The following CORO1A variants were observed in gnomAD, a reference collection of about 807,000 sequenced individuals.
CORO1A encodes coronin-1A.
A neutral mutation model predicts 44.1 loss-of-function variants in CORO1A; 17 were observed. The observed-to-expected ratio is 0.39, with a 90% CI of 0.26 to 0.58. CORO1A has a LOEUF of 0.58. Ranked by LOEUF, CORO1A falls within the 20% of genes least tolerant of loss-of-function variation. CORO1A has a pLI of 0.62. For synonymous variants in CORO1A, 271 were observed against 244.2 expected (o/e 1.11, Z -1.02); for missense variants, 415 against 606.5 (o/e 0.68, Z 3.32).
intron 5 of CORO1A, 30 bp from the exon 6 acceptor site, chr16:30,187,352 G>A (rs1184776751): frequency 6.2e-7 from 1 of 1,608,700 alleles, no homozygotes; most frequent in South Asian, 1.1e-5. Context: ...ATGTACGGGT[G>A]CCTGACCTAC....
chr16:30,187,933 C>A lies in CORO1A; in HGVS notation c.862-9C>A. ...GTATTGACCCTCCCTCCACACCTGC[C>A]ACCTACAGGGTGACAGCTCAATCCG... On this transcript the variant is annotated splice_polypyrimidine_tract_variant and intron_variant, in intron 7 of 10. Transcript: ENST00000219150. 6.2e-7 allele frequency: 1 copy of A among 1,613,950 alleles called. No individual in the cohort carries two copies. Among genetic ancestry groups the A allele is most frequent in the South Asian group, 1.1e-5 (1 of 91,062 alleles).
intron 10 of CORO1A, 35 bp downstream of exon 10, chr16:30,188,611 G>GA: frequency 8.9e-7 from 1 of 1,120,108 alleles, no homozygotes; most frequent in Admixed American, 2.0e-5. Flanking sequence ...ATAAAACTGG[G>GA]AGGGTGGGGT....
At chr16:30,187,678 A>G in intron 6 of CORO1A, 47 bp from the exon 7 acceptor site, 7 of 1,498,180 alleles carry the variant, frequency 4.7e-6, no homozygotes, top group South Asian at 1.1e-5. Context: ...CCCAGGGAAG[A>G]CCACCATCCC....
Position 30,184,991 on chromosome 16 carries a change from TG to T in CORO1A, c.-1-216del, listed in dbSNP as rs2073317546. ...TACAGATTGAGAGGGTGGCTCAGAG[TG>T]GCCTGGGGCCAGGGAGAAGGGGGCT... On this transcript the variant is annotated intron_variant, in intron 1 of 10. Transcript: ENST00000219150. This position sits in a 1 kb window ranked among gnomAD's most constrained non-coding sequence, Gnocchi z 4.3. 1 of 619,378 alleles carries T rather than the reference TG, an allele frequency of 1.6e-6. No individual in the cohort carries two copies. The allele number at this position is 619,378 out of a possible 1,614,324, so 38.4% of individuals were successfully genotyped here.
At chr16:30,186,575 C>T (rs1287250226) in intron 2 of CORO1A, 23 bp from the exon 3 acceptor site, 3 of 1,611,786 alleles carry the variant, frequency 1.9e-6, no homozygotes, top group Non-Finnish European at 2.5e-6. Context: ...AAAAGCACCT[C>T]CAAGGCCCTG....
Position 30,187,511 on chromosome 16 carries a change from G to A in CORO1A, c.756+10G>A. ...GGCGCTGTGGGACACAGTGAGTGCTGGGGCAGGAAGCCGAGGGCCCCCAGG... is the reference window on the plus strand; with the variant it reads ...GGCGCTGTGGGACACAGTGAGTGCTAGGGCAGGAAGCCGAGGGCCCCCAGG... On this transcript the variant is annotated intron_variant, in intron 6 of 10. Coordinates refer to ENST00000219150, the MANE Select transcript of CORO1A (RefSeq NM_007074.4). 6.2e-7 allele frequency: 1 copy of A among 1,600,666 alleles called. No individual in the cohort carries two copies. Among genetic ancestry groups the A allele is most frequent in the Non-Finnish European group, 8.5e-7 (1 of 1,179,126 alleles).
chr16:30,185,731 T>C, intron 2 of CORO1A: 2 of 399,598 alleles, frequency 5.0e-6, no homozygotes, highest in East Asian at 5.1e-5. Context: ...GGATGGGGTC[T>C]GGGGGCCCTG....
intron 1 of CORO1A, 137 bp from the exon 2 acceptor site, chr16:30,185,071 AG>A: frequency 1.2e-6 from 1 of 817,066 alleles, no homozygotes; most frequent in South Asian, 1.5e-5. Context: ...TCAGCCACAG[AG>A]GGAAGAATAG....
In CORO1A at chr16:30,188,343, C is replaced by A. The variant is rs549085837; in HGVS notation, c.1066-18C>A. 6.2e-7 allele frequency: 1 copy of A among 1,613,464 alleles called. No individual in the cohort carries two copies. Among genetic ancestry groups the A allele is most frequent in the African/African-American group, 1.3e-5 (1 of 75,052 alleles). ...CTGGCATAAGCGCTTTCCTCACTAT[C>A]CCTGGCCTTGCCCACAGTCGGACCT... On this transcript the variant is annotated intron_variant, in intron 9 of 10. Transcript: ENST00000219150.
At chr16:30,187,889 G>A (rs1375508405) in intron 7 of CORO1A, 53 bp from the exon 8 acceptor site, 2 of 1,612,082 alleles carry the variant, frequency 1.2e-6, no homozygotes, top group Admixed American at 1.7e-5. Flanking sequence ...GAGAGGGCCA[G>A]GGCAGTGGGC....
At chr16:30,188,123 T>TTGGGCAG in intron 8 of CORO1A, 36 bp downstream of exon 8, 2 of 1,613,762 alleles carry the variant, frequency 1.2e-6, no homozygotes, top group Non-Finnish European at 1.7e-6. Flanking sequence ...AGCATGCTCC[T>TTGGGCAG]TGGGCAGTGG....
intron 1 of CORO1A, 189 bp from the exon 2 acceptor site, chr16:30,185,020 C>T: frequency 1.5e-6 from 1 of 655,686 alleles, no homozygotes; most frequent in East Asian, 2.7e-5. Flanking sequence ...AGGGGGCTTG[C>T]AGGTTAGAGG....
At chr16:30,185,537 C>T in intron 2 of CORO1A, 130 bp downstream of exon 2, 2 of 767,494 alleles carry the variant, frequency 2.6e-6, no homozygotes, top group Non-Finnish European at 2.1e-6. Context: ...AGCTGGGCCC[C>T]ATGAGCCTTA....
chr16:30,185,278 G>C lies in CORO1A; in HGVS notation c.69G>C (p.Gln23His), dbSNP rs746393084. 2 of 1,614,242 alleles carry C rather than the reference G, an allele frequency of 1.2e-6. No homozygotes were observed. The highest frequency in any genetic ancestry group is 1.7e-6 in the Non-Finnish European group (2 of 1,180,030). The change falls in exon 2 of 11, where the codon CAG becomes CAC. Residue 23 changes from glutamine to histidine, a missense_variant. Gln to His is a conservative substitution (Grantham distance 24). Around this residue, in one of 2 missense-constraint regions of CORO1A, gnomAD observed 325 missense variants for 521.7 expected, o/e 0.62. Transcript: ENST00000219150. Reference sequence around the variant, plus strand: ...TTGGACAGCCGGCCAAGGCCGACCAGTGCTATGAAGATGTGCGCGTCTCAC... The same window carrying C: ...TTGGACAGCCGGCCAAGGCCGACCACTGCTATGAAGATGTGCGCGTCTCAC... ...HVFGQPAKADQCYEDVRVSQT... is the reference protein window; with the variant it reads ...HVFGQPAKADHCYEDVRVSQT...
Position 30,188,375 on chromosome 16 carries a change from G to A in CORO1A, c.1080G>A (p.Gln360=), listed in dbSNP as rs753747500. Residue 360 remains glutamine (Q), a synonymous_variant, in exon 10 of 11, where the codon CAG becomes CAA. Transcript: ENST00000219150. ...CTTGCCCACAGTCGGACCTGTTCCAGGAGGACCTGTACCCACCCACCGCAG... is the reference window on the plus strand; with the variant it reads ...CTTGCCCACAGTCGGACCTGTTCCAAGAGGACCTGTACCCACCCACCGCAG... ...MTVPRKSDLF[Q]EDLYPPTAGP... is the part of the protein sequence containing the mutation. 55 of 1,613,794 alleles carry A rather than the reference G, an allele frequency of 3.4e-5. No homozygotes were observed. Among genetic ancestry groups the A allele is most frequent in the Admixed American group, 5.0e-5 (3 of 60,002 alleles).
At position 30,188,468 on chromosome 16, in the gene CORO1A, C is replaced by T. The variant is rs571608809; in HGVS notation, c.1173C>T (p.Ser391=). ...GGGATGCTGGGCCCCTCCTCATCTC[C>T]CTCAAGGATGGCTACGTACCCCCAA... ...GGRDAGPLLI[S]LKDGYVPPKS... is the part of the protein sequence containing the mutation. The change falls in exon 10 of 11, where the codon TCC becomes TCT. Residue 391 remains serine, a synonymous_variant. Coordinates refer to ENST00000219150, the MANE Select transcript of CORO1A (RefSeq NM_007074.4). 2.5e-6 allele frequency: 4 copies of T among 1,613,420 alleles called. No homozygotes were observed. In the East Asian group the frequency reaches 6.7e-5, roughly 27 times the overall value.
intron 9 of CORO1A, 26 bp from the exon 10 acceptor site, chr16:30,188,335 C>T (rs2073369727): frequency 6.2e-7 from 1 of 1,613,220 alleles, no homozygotes; most frequent in Admixed American, 1.7e-5. Flanking sequence ...AAGCGCTTTC[C>T]TCACTATCCC....
rs1199044265 is a variant in CORO1A at position 30,187,479 on chromosome 16, G to T, written c.734G>T (p.Arg245Leu). ...ACGGGCTTCAGCCGCATGAGTGAGC[G>T]GCAGGTGGCGCTGTGGGACACAGTG... ...LTTGFSRMSERQVALWDTKHL... is the reference protein window; with the variant it reads ...LTTGFSRMSELQVALWDTKHL... Residue 245 changes from arginine (R) to leucine (L), a missense_variant, in exon 6 of 11, where the codon CGG becomes CTG. Coordinates refer to ENST00000219150, the MANE Select transcript of CORO1A (RefSeq NM_007074.4). The T allele has an allele frequency of 6.2e-7, 1 of 1,606,764 alleles. No homozygotes were observed.
chr16:30,185,875 G>A (rs1177570093), intron 2 of CORO1A: 1 of 227,732 alleles, frequency 4.4e-6, no homozygotes, highest in Non-Finnish European at 8.9e-6. Flanking sequence ...CTCCCCTGGA[G>A]CCTGCTGCCC....
Sources: gnomAD v4.1 joint callset for allele counts on GRCh38, gnomAD v4.1.1 for gene constraint, gnomAD v4.1.1 regional missense constraint, Gnocchi (gnomAD v3.1) non-coding constraint, MANE v1.5 for transcripts, NCBI Gene and HGNC (gene_info 2026-07-23, HGNC 2026-07-21) for gene names.